The following EPB41 variants were observed in gnomAD, a reference collection of about 807,000 sequenced individuals.
EPB41 encodes the protein protein 4.1.
A neutral mutation model predicts 108.0 loss-of-function variants in EPB41; 65 were observed. That is an observed-to-expected ratio of 0.60 (90% CI 0.49 to 0.74). EPB41 has a LOEUF of 0.74. Ranked by LOEUF, EPB41 falls within the 30% of genes least tolerant of loss-of-function variation. The probability of loss-of-function intolerance (pLI) is 0.00; values close to 1 mark genes in which losing one functional copy is unlikely to be tolerated. For synonymous variants in EPB41, 336 were observed against 358.9 expected, an observed-to-expected ratio of 0.94 and a Z score of 0.72; for missense variants, 875 against 1,037.0, an observed-to-expected ratio of 0.84 and a Z score of 2.15.
intron 1 of EPB41, among the ~76,000 whole-genome samples, chr1:28,897,617 GAGGAGGGGA>G (rs1202282875): frequency 4.9e-5 from 1 of 20,484 alleles, no homozygotes; most frequent in Non-Finnish European, 8.6e-5. Context: ...GGGGAGGGGA[GAGGAGGGGA>G]GAGGAGGGGA....
intron 14 of EPB41, 148 bp from the exon 15 acceptor site, chr1:29,060,274 A>G: frequency 1.6e-6 from 1 of 628,846 alleles, no homozygotes; most frequent in South Asian, 1.8e-5. Context: ...TGTCCGTGTG[A>G]CTCTCTGACC....
intron 1 of EPB41, among the ~76,000 whole-genome samples, chr1:28,980,538 C>T (rs985410864): frequency 6.6e-6 from 1 of 151,228 alleles, no homozygotes; most frequent in South Asian, 2.1e-4. Context: ...GGTGAAACTC[C>T]ATCTTTAAAA....
intron 1 of EPB41, among the ~76,000 whole-genome samples, chr1:28,971,988 G>A (rs1239245386): frequency 6.6e-6 from 1 of 151,704 alleles, no homozygotes; most frequent in Non-Finnish European, 1.5e-5. Flanking sequence ...CTCGACCTCC[G>A]CGCTCAGCTG....
intron 1 of EPB41, among the ~76,000 whole-genome samples, chr1:28,897,626 AGAGGAGGGG>A (rs2090831881): frequency 3.0e-5 from 2 of 66,812 alleles, no homozygotes; most frequent in African/African-American, 1.3e-4. Context: ...AGAGGAGGGG[AGAGGAGGGG>A]AGAGGAGGGG....
Position 28,994,236 on chromosome 1 carries a change from A to G in EPB41, c.681+694A>G, listed in dbSNP as rs535965981. ...GTCCAGGCTGGAGTGCAGTGGTACA[A>G]TCTCGGCTCACTGCAAGCTCTGCCT... is the stretch of plus-strand genomic sequence containing the variant. On this transcript the variant is annotated intron_variant, in intron 3 of 20. Coordinates refer to ENST00000343067, the MANE Select transcript of EPB41 (RefSeq NM_001376013.1). Among the ~76,000 whole-genome samples, 22 of 151,954 alleles carry G rather than the reference A, an allele frequency of 1.4e-4. 1 individual carries two copies. Among genetic ancestry groups the G allele is most frequent in the African/African-American group, 3.6e-4 (15 of 41,436 alleles).
At chr1:28,968,988 A>C (rs1191596951) in intron 1 of EPB41, among the ~76,000 whole-genome samples, 2 of 147,504 alleles carry the variant, frequency 1.4e-5, no homozygotes, top group East Asian at 4.7e-4. Flanking sequence ...CCCCCAAAAA[A>C]AAAACACAAA....
chr1:29,029,211 A>G (rs1432582725), intron 7 of EPB41, among the ~76,000 whole-genome samples: 1 of 152,224 alleles, frequency 6.6e-6, no homozygotes, highest in Non-Finnish European at 1.5e-5. Flanking sequence ...ACAGACTTGC[A>G]TAAGGGGCTA....
Position 29,018,454 on chromosome 1 carries a change from T to A in EPB41, c.1124+12T>A. The A allele has an allele frequency of 6.2e-7, 1 of 1,610,928 alleles. No individual in the cohort carries two copies. Among genetic ancestry groups the A allele is most frequent in the Non-Finnish European group, 8.5e-7 (1 of 1,178,564 alleles). ...CATAAGTCATACAGGTGAATATGTC[T>A]CCAGGGTTTGTTCGGTGTTTGTTTT... On this transcript the variant is annotated intron_variant, in intron 7 of 20. Transcript: ENST00000343067. This position sits in a 1 kb window ranked among gnomAD's most constrained non-coding sequence, Gnocchi z 4.4.
At chr1:28,922,322 A>G (rs538333598) in intron 1 of EPB41, among the ~76,000 whole-genome samples, 43 of 152,194 alleles carry the variant, frequency 2.8e-4, no homozygotes, top group African/African-American at 1.0e-3. Context: ...TTAGGTTGGA[A>G]ATAGTTGTTG....
At position 29,018,430 on chromosome 1, in the gene EPB41, A is replaced by G. The variant is rs778928272; in HGVS notation, c.1112A>G (p.His371Arg). Residue 371 changes from histidine (H) to arginine (R), a missense_variant, in exon 7 of 21, where the codon CAT becomes CGT. This residue lies in a region of EPB41 where 519 missense variants were observed against 627.3 expected (regional missense o/e 0.83). Transcript: ENST00000343067. This position sits in a 1 kb window ranked among gnomAD's most constrained non-coding sequence, Gnocchi z 4.4. ...KELEEKVMEL[H>R]KSYRSMTPAQ... ...CTTGAAGAGAAGGTCATGGAACTGC[A>G]TAAGTCATACAGGTGAATATGTCTC... 35 of 1,614,030 alleles carry G rather than the reference A, an allele frequency of 2.2e-5. No individual in the cohort carries two copies. The highest frequency in any genetic ancestry group is 1.7e-5 in the Admixed American group (1 of 59,952).
intron 2 of EPB41, among the ~76,000 whole-genome samples, chr1:28,990,296 T>TTTCC (rs201526830): frequency 0.16 from 6,867 of 44,020 alleles, 797 homozygotes; most frequent in Non-Finnish European, 0.19. Context: ...GTTTTTCAAA[T>TTTCC]TTCCTTCCTT....
At chr1:29,076,362 CT>C (rs1654074552) in intron 16 of EPB41, among the ~76,000 whole-genome samples, 1 of 152,188 alleles carries the variant, frequency 6.6e-6, no homozygotes, top group African/African-American at 2.4e-5. Context: ...GCTGTCCCAG[CT>C]TCTTCATAGA....
intron 16 of EPB41, chr1:29,069,689 T>G (rs1650314266): frequency 6.4e-6 from 1 of 157,222 alleles, no homozygotes; most frequent in African/African-American, 2.4e-5. Flanking sequence ...TTTTTTTTTG[T>G]CTGAGACAGA....
rs1293634636 is a variant in EPB41, at chr1:28,887,391, G to C, written c.-8+181G>C. ...GAATCCGAACTTGGGGTCCAAAGGAGTCTGGGCATCTTAAAGTTCAGGGTG... is the reference window on the plus strand; with the variant it reads ...GAATCCGAACTTGGGGTCCAAAGGACTCTGGGCATCTTAAAGTTCAGGGTG... On this transcript the variant is annotated intron_variant, in intron 1 of 16. Transcript: ENST00000347529. This position sits in a 1 kb window ranked among gnomAD's most constrained non-coding sequence, Gnocchi z 4.9. The C allele has an allele frequency of 1.0e-6, 1 of 985,334 alleles. No individual in the cohort carries two copies. Among genetic ancestry groups the C allele is most frequent in the Non-Finnish European group, 1.2e-6 (1 of 829,938 alleles). 61.0% of individuals were successfully genotyped at this position (985,334 alleles called of 1,614,324 possible).
chr1:29,107,964 G>T (rs1300299514), intron 17 of EPB41, among the ~76,000 whole-genome samples: 1 of 148,644 alleles, frequency 6.7e-6, no homozygotes, highest in African/African-American at 2.5e-5. Context: ...AGGAGGTGGA[G>T]GTTTCGGTGA....
intron 1 of EPB41, among the ~76,000 whole-genome samples, chr1:28,918,254 T>C (rs777530858): frequency 6.6e-6 from 1 of 152,094 alleles, no homozygotes. Flanking sequence ...GGTTTCACCA[T>C]GTTGGCCAGG....
At chr1:29,109,161 G>A (rs1356231742) in intron 17 of EPB41, among the ~76,000 whole-genome samples, 175 bp from the exon 18 acceptor site, 1 of 151,470 alleles carries the variant, frequency 6.6e-6, no homozygotes, top group African/African-American at 2.4e-5. Context: ...TCACGCCACT[G>A]CATTCCAGCC....
At chr1:28,913,693 C>A (rs1422652265), upstream of EPB41, among the ~76,000 whole-genome samples, 2 of 152,148 alleles carry the variant, frequency 1.3e-5, no homozygotes, top group African/African-American at 4.8e-5. Context: ...TCCTATCTTA[C>A]CTTCTAGGTA....
intron 4 of EPB41, among the ~76,000 whole-genome samples, chr1:29,010,162 C>T (rs1202403106): frequency 6.6e-6 from 1 of 152,028 alleles, no homozygotes; most frequent in East Asian, 1.9e-4. Flanking sequence ...CATGGTGAAA[C>T]CCCATCTCTA....
Sources: gnomAD v4.1 joint callset for allele counts (sites outside exome capture counted in the v4.1 genomes callset) on GRCh38, gnomAD v4.1.1 for gene constraint, gnomAD v4.1.1 regional missense constraint, Gnocchi (gnomAD v3.1) non-coding constraint, MANE v1.5 for transcripts, NCBI Gene and HGNC (gene_info 2026-07-23, HGNC 2026-07-21) for gene names.